The following SGCD variants were observed in gnomAD, a reference collection of about 807,000 sequenced individuals.
The protein encoded by SGCD is delta-sarcoglycan.
A neutral mutation model predicts 36.6 loss-of-function variants in SGCD; 18 were observed. The observed-to-expected ratio is 0.49, with a 90% CI of 0.34 to 0.73. The LOEUF (loss-of-function observed/expected upper bound fraction) is 0.73, where lower values mean the gene tolerates loss of function less well. Among genes scored for constraint, SGCD ranks in the 30% least tolerant of loss-of-function variants. The pLI is 0.01. For missense variants in SGCD, 387 were observed against 346.7 expected, an observed-to-expected ratio of 1.12 and a Z score of -0.92; for synonymous variants, 133 against 130.6, an observed-to-expected ratio of 1.02 and a Z score of -0.12.
intron 3 of SGCD, among the ~76,000 whole-genome samples, chr5:156,263,867 G>A (rs1334527970): frequency 6.6e-6 from 1 of 151,964 alleles, no homozygotes; most frequent in African/African-American, 2.4e-5. Flanking sequence ...TCCACTTTAA[G>A]TTTTTGTTTG....
the SGCD span, among the ~76,000 whole-genome samples, chr5:155,820,526 A>G: frequency 2.0e-5 from 3 of 151,970 alleles, no homozygotes; most frequent in Non-Finnish European, 4.4e-5. Context: ...AAATGAATAA[A>G]CAAACAAACA....
rs1292534736 is a variant in SGCD, at chr5:155,961,978, C to A, written c.-282+91554C>A. ...TCTGAAGACTTTCTAATTAATTATA[C>A]TAATGATAACTACAAATAATTGTTG... On this transcript the variant is annotated intron_variant, in intron 1 of 9. Coordinates refer to the SGCD transcript ENST00000517913. Among the ~76,000 whole-genome samples the A allele has an allele frequency of 2.0e-5, 3 of 152,024 alleles. No individual in the cohort carries two copies. The East Asian group carries it at 5.8e-4, about 29-fold the overall frequency.
the SGCD span, among the ~76,000 whole-genome samples, chr5:155,801,087 A>G: frequency 1.3e-5 from 2 of 152,094 alleles, no homozygotes; most frequent in Non-Finnish European, 2.9e-5. Context: ...ACACCTATGG[A>G]GGAAGATTGG....
intron 3 of SGCD, among the ~76,000 whole-genome samples, chr5:156,138,102 A>C (rs1762500906): frequency 6.6e-6 from 1 of 152,064 alleles, no homozygotes; most frequent in African/African-American, 2.4e-5. Flanking sequence ...CTGCCTTTTG[A>C]AACTTCACAT....
chr5:155,997,139 G>A (rs1035685269), intron 1 of SGCD, among the ~76,000 whole-genome samples: 53 of 152,270 alleles, frequency 3.5e-4, no homozygotes, highest in African/African-American at 1.3e-3. Context: ...TATTATTATT[G>A]AGCCATTATT....
At chr5:156,354,784 A>G (rs1769421291) in intron 3 of SGCD, among the ~76,000 whole-genome samples, 1 of 152,214 alleles carries the variant, frequency 6.6e-6, no homozygotes, top group Non-Finnish European at 1.5e-5. Flanking sequence ...CAATCATAGA[A>G]GAGAAGCAGC....
chr5:156,065,405 A>G (rs1383194587), intron 1 of SGCD, among the ~76,000 whole-genome samples: 3 of 125,854 alleles, frequency 2.4e-5, no homozygotes, highest in African/African-American at 3.6e-5. Flanking sequence ...AGAAGAATGT[A>G]TATTCTGTTG....
chr5:156,704,977 A>T (rs17053816), intron 7 of SGCD, among the ~76,000 whole-genome samples: 7,352 of 152,086 alleles, frequency 0.048, 397 homozygotes, highest in African/African-American at 0.13. Context: ...TATTAACATC[A>T]ACCCAAATAA....
chr5:156,347,512 T>C (rs567308792), intron 3 of SGCD, among the ~76,000 whole-genome samples: 1 of 152,196 alleles, frequency 6.6e-6, no homozygotes, highest in East Asian at 1.9e-4. Context: ...AGATTTCTGG[T>C]TTTAGGATGG....
chr5:156,527,994 T>TATATC (rs563632569), intron 4 of SGCD, among the ~76,000 whole-genome samples: 20 of 152,238 alleles, frequency 1.3e-4, no homozygotes, highest in Non-Finnish European at 2.5e-4. Flanking sequence ...TTTATCTTGT[T>TATATC]ATATCATATC....
the SGCD span, among the ~76,000 whole-genome samples, chr5:155,821,480 A>G: frequency 6.6e-6 from 1 of 151,908 alleles, no homozygotes; most frequent in Non-Finnish European, 1.5e-5. Flanking sequence ...CGCCCGGCTA[A>G]TTTTTTGTAC....
chr5:156,220,585 A>C (rs1764693491), intron 3 of SGCD, among the ~76,000 whole-genome samples: 1 of 152,186 alleles, frequency 6.6e-6, no homozygotes, highest in African/African-American at 2.4e-5. Flanking sequence ...TCATGGCCTC[A>C]GTCAATCCTA....
At chr5:156,399,355 C>G (rs1296471580) in intron 3 of SGCD, among the ~76,000 whole-genome samples, 2 of 152,182 alleles carry the variant, frequency 1.3e-5, no homozygotes, top group Non-Finnish European at 2.9e-5. Flanking sequence ...GCAATATTCT[C>G]TATAACCTGT....
chr5:156,061,609 T>A (rs1254330623), intron 1 of SGCD, among the ~76,000 whole-genome samples: 2 of 146,320 alleles, frequency 1.4e-5, no homozygotes, highest in East Asian at 3.9e-4. Context: ...GGGGAAGTGT[T>A]AAATGTAGGA....
intron 3 of SGCD, among the ~76,000 whole-genome samples, chr5:156,478,432 G>A (rs1320018000): frequency 6.6e-6 from 1 of 152,142 alleles, no homozygotes; most frequent in Non-Finnish European, 1.5e-5. Flanking sequence ...GACCTCTTGC[G>A]ATTACTGAGT....
chr5:155,815,788 C>T, the SGCD span, among the ~76,000 whole-genome samples: 1 of 152,092 alleles, frequency 6.6e-6, no homozygotes, highest in Admixed American at 6.6e-5. Flanking sequence ...AGTCACCTTC[C>T]TCAGACTCCT....
At chr5:156,458,277 G>A (rs912011303) in intron 3 of SGCD, 4 of 676,474 alleles carry the variant, frequency 5.9e-6, no homozygotes. Flanking sequence ...TTAAATATTA[G>A]TCACTAAGAA....
intron 3 of SGCD, among the ~76,000 whole-genome samples, chr5:156,355,534 T>G (rs1769452371): frequency 6.6e-6 from 1 of 152,214 alleles, no homozygotes; most frequent in Non-Finnish European, 1.5e-5. Flanking sequence ...GGTGAAGAGC[T>G]GTATTCAGGA....
At chr5:156,441,988 T>C (rs547648604) in intron 3 of SGCD, among the ~76,000 whole-genome samples, 6 of 152,246 alleles carry the variant, frequency 3.9e-5, no homozygotes, top group African/African-American at 1.4e-4. Context: ...AGGAAGGAGG[T>C]AGCAGGCAGC....
Sources: gnomAD v4.1 joint callset for allele counts (sites outside exome capture counted in the v4.1 genomes callset) on GRCh38, gnomAD v4.1.1 for gene constraint, MANE v1.5 for transcripts, NCBI Gene and HGNC (gene_info 2026-07-23, HGNC 2026-07-21) for gene names.